Variants in DGCR2 observed in about 807,000 individuals in gnomAD.
DGCR2 encodes the protein integral membrane protein DGCR2/IDD.
A neutral mutation model predicts 51.6 loss-of-function variants in DGCR2; 24 were observed. The observed-to-expected ratio is 0.47, with a 90% CI of 0.34 to 0.65. DGCR2 has a LOEUF of 0.65. Among genes scored for constraint, DGCR2 ranks in the 30% least tolerant of loss-of-function variants. DGCR2 has a pLI of 0.01. For missense variants in DGCR2, 765 were observed against 772.1 expected, an observed-to-expected ratio of 0.99 and a Z score of 0.11; for synonymous variants, 340 against 315.4, an observed-to-expected ratio of 1.08 and a Z score of -0.82.
At chr22:19,052,369 CTG>C (rs2082557253) in intron 6 of DGCR2, among the ~76,000 whole-genome samples, 1 of 151,880 alleles carries the variant, frequency 6.6e-6, no homozygotes, top group East Asian at 1.9e-4. Flanking sequence ...TGAGCCAAGA[CTG>C]TGCCACTGCA....
chr22:19,051,188 C>CA (rs61277487), intron 6 of DGCR2, among the ~76,000 whole-genome samples: 9,198 of 54,782 alleles, frequency 0.17, 939 homozygotes, highest in South Asian at 0.21. Flanking sequence ...AATTCTGTCA[C>CA]AAAAAAAAAA....
chr22:19,062,392 C>T (rs927987296), intron 5 of DGCR2, among the ~76,000 whole-genome samples: 3 of 152,222 alleles, frequency 2.0e-5, no homozygotes, highest in Admixed American at 2.0e-4. Flanking sequence ...AGCCGGCCAC[C>T]CAGGCCTTGA....
chr22:19,063,052 A>G, intron 5 of DGCR2, 150 bp downstream of exon 5: 1 of 682,224 alleles, frequency 1.5e-6, no homozygotes, highest in Non-Finnish European at 2.5e-6. Context: ...TGGCCCCATG[A>G]CCGCAGCCCT....
chr22:19,088,293 A>G (rs2083040419), intron 2 of DGCR2, among the ~76,000 whole-genome samples: 1 of 152,216 alleles, frequency 6.6e-6, no homozygotes, highest in African/African-American at 2.4e-5. Context: ...TGATGCTATA[A>G]GAGAGGGACG....
rs1457421237 is a variant in DGCR2 at position 19,036,344 on chromosome 22, AAAGT to A, written c.*2517_*2520del. 1 of 152,566 alleles carries A rather than the reference AAAGT, an allele frequency of 6.6e-6. No individual in the cohort carries two copies. The highest frequency in any genetic ancestry group is 1.5e-5 in the Non-Finnish European group (1 of 68,044). The allele number at this position is 152,566 out of a possible 1,614,324, so 9.5% of individuals were successfully genotyped here. A position where few individuals can be genotyped will look rare whatever the true frequency, so the allele number is the denominator to read the frequency against. The stretch of plus-strand genomic sequence containing the variant: ...AAATGATTCTCACAGCATCTTAAGA[AAAGT>A]TAGTGTCAACCCAACCAAAAACTAA... On this transcript the variant is annotated 3_prime_UTR_variant, in exon 10 of 10. Coordinates refer to ENST00000263196, the MANE Select transcript of DGCR2 (RefSeq NM_005137.3).
intron 7 of DGCR2, among the ~76,000 whole-genome samples, chr22:19,043,622 CAGG>C (rs1331760677): frequency 2.6e-5 from 4 of 152,140 alleles, no homozygotes; most frequent in African/African-American, 9.7e-5. Context: ...CTCCTGGAAG[CAGG>C]AGGACCCCAC....
At chr22:19,094,903 A>G (rs558838448) in intron 1 of DGCR2, among the ~76,000 whole-genome samples, 14 of 152,220 alleles carry the variant, frequency 9.2e-5, no homozygotes, top group Admixed American at 2.0e-4. Context: ...CTACTGTATG[A>G]CAACATTTAT....
At chr22:19,085,040 C>T (rs1391048408) in intron 2 of DGCR2, among the ~76,000 whole-genome samples, 6 of 149,310 alleles carry the variant, frequency 4.0e-5, no homozygotes, top group African/African-American at 1.5e-4. Context: ...TGTGTCTGTG[C>T]AGAAAGAAGT....
chr22:19,069,091 T>C (rs1569059481), intron 2 of DGCR2, among the ~76,000 whole-genome samples: 1 of 152,234 alleles, frequency 6.6e-6, no homozygotes, highest in African/African-American at 2.4e-5. Context: ...AGGTGTACCC[T>C]GATGTGTCAT....
intron 1 of DGCR2, among the ~76,000 whole-genome samples, chr22:19,119,175 A>G (rs146673312): frequency 6.6e-6 from 1 of 152,302 alleles, no homozygotes; most frequent in Admixed American, 6.5e-5. Context: ...TCAGAGCATA[A>G]TATGAGGTAC....
At chr22:19,063,735 A>G (rs1455210622) in intron 4 of DGCR2, among the ~76,000 whole-genome samples, 1 of 152,116 alleles carries the variant, frequency 6.6e-6, no homozygotes, top group African/African-American at 2.4e-5. Flanking sequence ...GAAAAGTTTT[A>G]TCTCAGGGAA....
chr22:19,098,094 T>A (rs904359570), intron 1 of DGCR2, among the ~76,000 whole-genome samples: 10 of 151,944 alleles, frequency 6.6e-5, no homozygotes, highest in Admixed American at 2.6e-4. Context: ...AAAAAAAAAA[T>A]AGTTATCAAA....
At chr22:19,053,034 T>C (rs2082566074) in intron 6 of DGCR2, among the ~76,000 whole-genome samples, 1 of 152,210 alleles carries the variant, frequency 6.6e-6, no homozygotes, top group African/African-American at 2.4e-5. Flanking sequence ...TTTGAGTCCA[T>C]ACTTCCAACT....
rs145714355 is a variant in DGCR2 at position 19,048,444 on chromosome 22, G to A, written c.1002C>T (p.Asp334=). The change falls in exon 7 of 10, where the codon GAC becomes GAT. Residue 334 remains aspartate, a synonymous_variant. Coordinates refer to ENST00000263196, the MANE Select transcript of DGCR2 (RefSeq NM_005137.3). ...PKECCKFMCL[D]PDGNSLFDSM... The stretch of plus-strand genomic sequence containing the variant: ...ACGTCCTATCAAGAGTCTCACCTGG[G>A]TCCAGACACATGAACTTGCAGCACT... The A allele has an allele frequency of 3.7e-6, 6 of 1,614,058 alleles. No homozygotes were observed. Among genetic ancestry groups the A allele is most frequent in the Non-Finnish European group, 5.1e-6 (6 of 1,180,044 alleles).
rs181463271 is a variant in DGCR2, at chr22:19,112,221, C to T, written c.79+9907G>A. ...CCGGGAGGCAGAGGTTACAGTGAGC[C>T]GAGGTCGCACCACTGCACTCCAGCC... On this transcript the variant is annotated intron_variant, in intron 1 of 9. Coordinates refer to ENST00000263196, the MANE Select transcript of DGCR2 (RefSeq NM_005137.3). Among the ~76,000 whole-genome samples the T allele has an allele frequency of 1.0e-3, 150 of 150,328 alleles. 1 individual carries two copies. Among genetic ancestry groups the T allele is most frequent in the African/African-American group, 3.3e-3 (136 of 40,872 alleles).
chr22:19,041,353 G>A, intron 8 of DGCR2, 59 bp from the exon 9 acceptor site: 1 of 1,546,086 alleles, frequency 6.5e-7, no homozygotes, highest in Non-Finnish European at 8.9e-7. Flanking sequence ...CAGGCTGCCT[G>A]GCTCCTGAGC....
At chr22:19,063,877 G>A (rs2082717296) in intron 4 of DGCR2, among the ~76,000 whole-genome samples, 1 of 152,144 alleles carries the variant, frequency 6.6e-6, no homozygotes, top group Non-Finnish European at 1.5e-5. Flanking sequence ...ATAGGACAGG[G>A]CACTCCACAG....
At chr22:19,113,030 T>C (rs2083333383) in intron 1 of DGCR2, among the ~76,000 whole-genome samples, 1 of 145,196 alleles carries the variant, frequency 6.9e-6, no homozygotes, top group Non-Finnish European at 1.5e-5. Context: ...GAAACAAACA[T>C]GCAACAGAGA....
At chr22:19,098,927 A>G (rs1019776849) in intron 1 of DGCR2, among the ~76,000 whole-genome samples, 7 of 152,064 alleles carry the variant, frequency 4.6e-5, no homozygotes, top group African/African-American at 1.4e-4. Flanking sequence ...CCCATACTCC[A>G]TGTCACCAAC....
Sources: gnomAD v4.1 joint callset for allele counts (sites outside exome capture counted in the v4.1 genomes callset) on GRCh38, gnomAD v4.1.1 for gene constraint, MANE v1.5 for transcripts, NCBI Gene and HGNC (gene_info 2026-07-23, HGNC 2026-07-21) for gene names.